TTC17: variants seen among roughly 807,000 people sequenced by gnomAD.
TTC17 encodes tetratricopeptide repeat protein 17.
In TTC17, 58 loss-of-function variants were observed where a neutral mutation model predicts 143.8. That is an observed-to-expected ratio of 0.40 (90% CI 0.33 to 0.50). The LOEUF (loss-of-function observed/expected upper bound fraction) is 0.50, where lower values mean the gene tolerates loss of function less well. Among genes scored for constraint, TTC17 ranks in the 20% least tolerant of loss-of-function variants. The probability of loss-of-function intolerance (pLI) is 0.49; values close to 1 mark genes in which losing one functional copy is unlikely to be tolerated. For synonymous variants in TTC17, 501 were observed against 497.8 expected (o/e 1.01, Z -0.09); for missense variants, 1,273 against 1,392.5 (o/e 0.91, Z 1.37).
At chr11:43,482,093 A>G (rs1372078122) in intron 21 of TTC17, among the ~76,000 whole-genome samples, 1 of 152,112 alleles carries the variant, frequency 6.6e-6, no homozygotes, top group Non-Finnish European at 1.5e-5. Flanking sequence ...TACAGCCACC[A>G]TGCTTGGCCA....
At chr11:43,375,571 C>T (rs551095534) in intron 1 of TTC17, among the ~76,000 whole-genome samples, 40 of 151,890 alleles carry the variant, frequency 2.6e-4, no homozygotes, top group Middle Eastern at 3.4e-3. Flanking sequence ...AGATTATATT[C>T]ATCAGTTTCC....
intron 16 of TTC17, among the ~76,000 whole-genome samples, chr11:43,418,561 G>A (rs548087354): frequency 8.0e-4 from 122 of 152,002 alleles, no homozygotes; most frequent in African/African-American, 2.3e-3. Context: ...TAACAGCTTC[G>A]TCCTTTTAAA....
chr11:43,410,704 C>T (rs578073327), intron 15 of TTC17, among the ~76,000 whole-genome samples: 9 of 152,224 alleles, frequency 5.9e-5, no homozygotes, highest in Non-Finnish European at 8.8e-5. Flanking sequence ...GTCTAAAGGG[C>T]GCTCTAGAAC....
chr11:43,471,732 G>A (rs986456226), intron 21 of TTC17, among the ~76,000 whole-genome samples: 28 of 152,300 alleles, frequency 1.8e-4, no homozygotes, highest in African/African-American at 6.3e-4. Flanking sequence ...GTAATAATAC[G>A]TATTTTCAGT....
chr11:43,451,880 A>G (rs1947664212), intron 21 of TTC17, among the ~76,000 whole-genome samples: 1 of 152,184 alleles, frequency 6.6e-6, no homozygotes, highest in African/African-American at 2.4e-5. Context: ...AATCAACCCA[A>G]CTTCAAGTAT....
intron 21 of TTC17, among the ~76,000 whole-genome samples, chr11:43,465,869 A>G (rs775149480): frequency 2.6e-5 from 4 of 151,416 alleles, no homozygotes; most frequent in African/African-American, 4.9e-5. Flanking sequence ...CATTAAGACA[A>G]TATATGTATT....
At chr11:43,447,788 C>A in intron 18 of TTC17, 1 of 506,970 alleles carries the variant, frequency 2.0e-6, no homozygotes. Flanking sequence ...TTTATTCTTA[C>A]TTCTCCACCT....
intron 1 of TTC17, among the ~76,000 whole-genome samples, chr11:43,362,778 C>A (rs1345196652): frequency 1.3e-5 from 2 of 152,140 alleles, no homozygotes; most frequent in Admixed American, 1.3e-4. Context: ...ATTTCACAAT[C>A]CCTGCCTCAG....
chr11:43,382,202 G>C (rs1856996504), intron 2 of TTC17, among the ~76,000 whole-genome samples: 2 of 152,140 alleles, frequency 1.3e-5, no homozygotes, highest in Admixed American at 6.5e-5. Flanking sequence ...TTAAGAATGA[G>C]GGCAAAGTAA....
intron 18 of TTC17, chr11:43,446,068 C>T: frequency 6.6e-7 from 1 of 1,512,752 alleles, no homozygotes. Context: ...CCATTGCCTA[C>T]AGGATAAAAT....
intron 2 of TTC17, among the ~76,000 whole-genome samples, chr11:43,386,119 G>T (rs1410835293): frequency 6.7e-6 from 1 of 150,258 alleles, no homozygotes; most frequent in African/African-American, 2.4e-5. Context: ...TTTTATAAAT[G>T]ATATTAGGAA....
chr11:43,359,484 C>T (rs570585270), intron 1 of TTC17, among the ~76,000 whole-genome samples: 1 of 152,192 alleles, frequency 6.6e-6, no homozygotes, highest in Non-Finnish European at 1.5e-5. Flanking sequence ...GTCACCGGCC[C>T]TCCCCGAGGA....
intron 16 of TTC17, among the ~76,000 whole-genome samples, chr11:43,438,243 C>T (rs958530702): frequency 6.6e-5 from 10 of 152,274 alleles, no homozygotes; most frequent in East Asian, 5.8e-4. Flanking sequence ...CTGCAACCTC[C>T]ACTTCCCGTG....
At chr11:43,491,778 G>A in intron 22 of TTC17, 1 of 516,956 alleles carries the variant, frequency 1.9e-6, no homozygotes. Flanking sequence ...TACTTCAGCT[G>A]ACATTTTGTT....
At chr11:43,467,134 CAT>C (rs1346265683) in intron 21 of TTC17, among the ~76,000 whole-genome samples, 4 of 152,106 alleles carry the variant, frequency 2.6e-5, no homozygotes, top group Non-Finnish European at 5.9e-5. Context: ...AATAATTAAA[CAT>C]TGAATTACTA....
chr11:43,469,907 A>C (rs1261823899), intron 21 of TTC17, among the ~76,000 whole-genome samples: 1 of 152,230 alleles, frequency 6.6e-6, no homozygotes, highest in African/African-American at 2.4e-5. Flanking sequence ...GTACTAAAAA[A>C]TCAGTAAAGG....
chr11:43,443,972 G>T, intron 17 of TTC17, 84 bp from the exon 18 acceptor site: 1 of 1,445,868 alleles, frequency 6.9e-7, no homozygotes, highest in Non-Finnish European at 9.3e-7. Flanking sequence ...CACAGTACTT[G>T]GTTATTCTTA....
Position 43,386,264 on chromosome 11 carries a change from A to G in TTC17, c.250-3388A>G, listed in dbSNP as rs1389534451. On this transcript the variant is annotated intron_variant, in intron 2 of 23. Coordinates refer to ENST00000039989, the MANE Select transcript of TTC17 (RefSeq NM_018259.6). ...AATATTGATAGTCATGCATTGCTTAACGTCAGGAATATGCTCTGAGAAATG... is the reference window on the plus strand; with the variant it reads ...AATATTGATAGTCATGCATTGCTTAGCGTCAGGAATATGCTCTGAGAAATG... Among the ~76,000 whole-genome samples the G allele has an allele frequency of 3.9e-5, 6 of 152,218 alleles. No individual in the cohort carries two copies. In the East Asian group the frequency reaches 1.2e-3, roughly 29 times the overall value.
intron 18 of TTC17, 45 bp downstream of exon 18, chr11:43,444,254 A>G: frequency 6.4e-7 from 1 of 1,552,848 alleles, no homozygotes; most frequent in Non-Finnish European, 8.7e-7. Flanking sequence ...TTTAGATGTC[A>G]CTATCTCATT....
Sources: allele counts gnomAD v4.1 joint callset (sites outside exome capture counted in the v4.1 genomes callset), GRCh38; gene constraint gnomAD v4.1.1; transcripts MANE v1.5; gene names NCBI Gene and HGNC (gene_info 2026-07-23, HGNC 2026-07-21).